Variants in TSHZ2 observed in about 807,000 individuals in gnomAD.
TSHZ2 encodes teashirt homolog 2.
TSHZ2 carries 21 observed loss-of-function variants against 74.4 expected under a neutral mutation model. That is an observed-to-expected ratio of 0.28 (90% CI 0.20 to 0.41). The LOEUF (loss-of-function observed/expected upper bound fraction) is 0.41. TSHZ2 is among the 10% of genes least tolerant of loss of function. The pLI is 1.00. For synonymous variants in TSHZ2, 540 were observed against 515.3 expected, an observed-to-expected ratio of 1.05 and a Z score of -0.65; for missense variants, 1,244 against 1,293.5, an observed-to-expected ratio of 0.96 and a Z score of 0.59.
intron 2 of TSHZ2, among the ~76,000 whole-genome samples, chr20:53,275,326 T>C (rs1166435573): frequency 6.6e-6 from 1 of 152,174 alleles, no homozygotes; most frequent in African/African-American, 2.4e-5. Context: ...TTTTAAATTA[T>C]ATATCATTGT....
chr20:53,394,859 CAAAAAAAAAAAAAAAA>C (rs1005992034), intron 2 of TSHZ2, among the ~76,000 whole-genome samples: 4 of 44,116 alleles, frequency 9.1e-5, no homozygotes, highest in African/African-American at 2.3e-4. Context: ...CAGAACTCAC[CAAAAAAAAAAAAAAAA>C]AAAAAAAAAA....
At chr20:53,328,233 G>A (rs778532594) in intron 2 of TSHZ2, among the ~76,000 whole-genome samples, 1 of 152,172 alleles carries the variant, frequency 6.6e-6, no homozygotes, top group African/African-American at 2.4e-5. Context: ...CATCTGTGCT[G>A]TATTTTATAA....
chr20:53,347,254 C>T (rs1980473489), intron 2 of TSHZ2, among the ~76,000 whole-genome samples: 1 of 152,152 alleles, frequency 6.6e-6, no homozygotes, highest in Admixed American at 6.5e-5. Context: ...CTAGCCTCCA[C>T]CCACTAAAAG....
At position 53,362,095 on chromosome 20, in the gene TSHZ2, C is replaced by T. The variant is rs373226725; in HGVS notation, c.*8+105524C>T. Among the ~76,000 whole-genome samples the T allele has an allele frequency of 5.9e-4, 90 of 152,194 alleles. 1 individual carries two copies. In the East Asian group the frequency reaches 0.013, roughly 21 times the overall value. On this transcript the variant is annotated intron_variant, in intron 2 of 2. Transcript: ENST00000371497. ...GCCAGGCTGGTCTCGAACTCCCAAC[C>T]TCAGGTGATCCACCACCCGCCTGGG...
At chr20:53,141,671 C>A (rs1987404305) in intron 1 of TSHZ2, among the ~76,000 whole-genome samples, 1 of 152,210 alleles carries the variant, frequency 6.6e-6, no homozygotes, top group Admixed American at 6.5e-5. Context: ...TGTTTGTCAC[C>A]TTTCCTGCAC....
At chr20:53,125,469 C>T (rs1206989626) in intron 1 of TSHZ2, among the ~76,000 whole-genome samples, 1 of 152,126 alleles carries the variant, frequency 6.6e-6, no homozygotes, top group East Asian at 1.9e-4. Flanking sequence ...AGAACATTGC[C>T]TGGCACATGG....
At chr20:53,062,944 G>C (rs745588100) in intron 1 of TSHZ2, among the ~76,000 whole-genome samples, 2 of 152,068 alleles carry the variant, frequency 1.3e-5, no homozygotes, top group Non-Finnish European at 2.9e-5. Context: ...AGCCATGGCA[G>C]GGTTATTAAT....
chr20:53,205,499 TAAG>T (rs1182215593), intron 1 of TSHZ2, among the ~76,000 whole-genome samples: 2 of 152,240 alleles, frequency 1.3e-5, no homozygotes, highest in Non-Finnish European at 2.9e-5. Flanking sequence ...TTCCAAATGT[TAAG>T]AAAACTATCC....
chr20:53,379,010 A>AC (rs1285545648), intron 2 of TSHZ2, among the ~76,000 whole-genome samples: 1 of 152,216 alleles, frequency 6.6e-6, no homozygotes, highest in Non-Finnish European at 1.5e-5. Context: ...TAGCACAGGT[A>AC]CCATGTGGGA....
chr20:53,168,170 C>G (rs1006415231), intron 1 of TSHZ2, among the ~76,000 whole-genome samples: 38 of 152,166 alleles, frequency 2.5e-4, no homozygotes, highest in African/African-American at 8.7e-4. Flanking sequence ...CAGGGTTTGT[C>G]CAATGGCACT....
chr20:53,265,618 G>A (rs1990698951), intron 2 of TSHZ2, among the ~76,000 whole-genome samples: 1 of 152,204 alleles, frequency 6.6e-6, no homozygotes. Flanking sequence ...GCTCCCTCGG[G>A]GAAGCCCCAC....
chr20:53,379,225 T>C (rs1981771956), intron 2 of TSHZ2, among the ~76,000 whole-genome samples: 2 of 151,912 alleles, frequency 1.3e-5, no homozygotes, highest in South Asian at 4.2e-4. Context: ...CTATAAAAAA[T>C]ACAAAAATTA....
At chr20:53,409,785 G>A (rs1282756297) in intron 2 of TSHZ2, among the ~76,000 whole-genome samples, 1 of 150,782 alleles carries the variant, frequency 6.6e-6, no homozygotes, top group African/African-American at 2.4e-5. Context: ...CAGAGCTGGG[G>A]ACAAAGCCTT....
intron 1 of TSHZ2, among the ~76,000 whole-genome samples, chr20:53,139,728 A>G (rs547615753): frequency 6.6e-6 from 1 of 152,314 alleles, no homozygotes; most frequent in South Asian, 2.1e-4. Flanking sequence ...ACTCCTAATG[A>G]TAATAAATGC....
chr20:53,146,506 A>G (rs1456902651), intron 1 of TSHZ2, among the ~76,000 whole-genome samples: 1 of 152,162 alleles, frequency 6.6e-6, no homozygotes, highest in African/African-American at 2.4e-5. Context: ...GTGAGTAATG[A>G]CCTTCAGGAT....
At chr20:53,475,633 G>A (rs558386107) in intron 2 of TSHZ2, among the ~76,000 whole-genome samples, 30 of 122,672 alleles carry the variant, frequency 2.4e-4, no homozygotes, top group African/African-American at 4.3e-4. Context: ...TCAAAAGCTA[G>A]TAGAAGGCAA....
rs951682588 is a variant in TSHZ2, at chr20:53,453,483, AT to A, written c.*9-33652del. Among the ~76,000 whole-genome samples, 211 of 151,796 alleles carry A rather than the reference AT, an allele frequency of 1.4e-3. 1 individual carries two copies. Among genetic ancestry groups the A allele is most frequent in the African/African-American group, 4.4e-3 (183 of 41,374 alleles). On this transcript the variant is annotated intron_variant, in intron 2 of 2. Coordinates refer to ENST00000371497, the MANE Select transcript of TSHZ2 (RefSeq NM_173485.6). Reference sequence around the variant, plus strand: ...TTGGGGTCCTTCAGACCAGCCATGAATTTTTTTTTCCTGTGCTCTAATAATA... The same window carrying A: ...TTGGGGTCCTTCAGACCAGCCATGAATTTTTTTTCCTGTGCTCTAATAATA...
At chr20:53,249,530 G>A (rs1990277799) in intron 1 of TSHZ2, among the ~76,000 whole-genome samples, 3 of 152,216 alleles carry the variant, frequency 2.0e-5, no homozygotes, top group African/African-American at 7.2e-5. Flanking sequence ...ACACAGAGCA[G>A]GGGAGACATC....
In TSHZ2 at chr20:53,255,598, C is replaced by T. The variant is rs147347830; in HGVS notation, c.2140C>T (p.Arg714Cys). Residue 714 changes from arginine to cysteine, a missense_variant, in exon 2 of 3, where the codon CGC becomes TGC. Transcript: ENST00000371497. This position sits in a 1 kb window ranked among gnomAD's most constrained non-coding sequence, Gnocchi z 4.1. ...NHLGKATEPLRSPSCSSPSSS... is the reference protein window; with the variant it reads ...NHLGKATEPLCSPSCSSPSSS... ...CTTGGGCAAAGCCACGGAGCCCTTGCGCTCACCTTCCTGCTCCAGCCCAAG... is the reference window on the plus strand; with the variant it reads ...CTTGGGCAAAGCCACGGAGCCCTTGTGCTCACCTTCCTGCTCCAGCCCAAG... 2.4e-4 allele frequency: 378 copies of T among 1,584,054 alleles called. No individual in the cohort carries two copies. The African/African-American group carries it at 3.9e-3, about 16-fold the overall frequency.
Sources: gnomAD v4.1 joint callset for allele counts (sites outside exome capture counted in the v4.1 genomes callset) on GRCh38, gnomAD v4.1.1 for gene constraint, Gnocchi (gnomAD v3.1) non-coding constraint, MANE v1.5 for transcripts, NCBI Gene and HGNC (gene_info 2026-07-23, HGNC 2026-07-21) for gene names.